The following PI16 variants were observed in gnomAD, a reference collection of about 807,000 sequenced individuals.
PI16 encodes the protein PSP94-binding protein.
PI16 carries 35 observed loss-of-function variants against 38.0 expected under a neutral mutation model. That is an observed-to-expected ratio of 0.92 (90% CI 0.70 to 1.22). PI16 has a LOEUF of 1.22. PI16 is among the 50% of genes most tolerant of loss of function. The pLI, the probability that PI16 is intolerant of heterozygous loss-of-function variation, is 0.00. For missense variants in PI16, 572 were observed against 593.8 expected, an observed-to-expected ratio of 0.96 and a Z score of 0.38; for synonymous variants, 275 against 252.9, an observed-to-expected ratio of 1.09 and a Z score of -0.83.
In PI16 at chr6:36,962,068, G is replaced by T. The variant is rs757075891; in HGVS notation, c.592+94G>T. On this transcript the variant is annotated intron_variant, in intron 4 of 6. Transcript: ENST00000373674. The surrounding 1 kb of genome is among the most constrained non-coding windows in gnomAD (Gnocchi z 4.1). The stretch of plus-strand genomic sequence containing the variant: ...AGAGCCTCCCTGGACTGAGCGGGAC[G>T]TGGGCAGGGAAGGAGCCTGGTGGGA... 2.8e-5 allele frequency: 31 copies of T among 1,121,164 alleles called. No homozygotes were observed. The highest frequency in any genetic ancestry group is 6.1e-5 in the African/African-American group (4 of 65,570). 69.5% of individuals were successfully genotyped at this position (1,121,164 alleles called of 1,614,324 possible).
At position 36,962,854 on chromosome 6, in the gene PI16, C is replaced by A; in HGVS notation, c.593-81C>A. 3 of 1,198,720 alleles carry A rather than the reference C, an allele frequency of 2.5e-6. No homozygotes were observed. The South Asian group carries it at 4.5e-5, about 18-fold the overall frequency. The allele number at this position is 1,198,720 out of a possible 1,614,324, so 74.3% of individuals were successfully genotyped here. ...TGTGTGTCCTGGTAGGACATTTGGT[C>A]GCGTCACTTGGTTTGCAGTGCCATG... On this transcript the variant is annotated intron_variant, in intron 4 of 6. Transcript: ENST00000373674. The surrounding 1 kb of genome is among the most constrained non-coding windows in gnomAD (Gnocchi z 4.1).
upstream of PI16, among the ~76,000 whole-genome samples, chr6:36,951,596 T>C (rs1763100787): frequency 6.6e-6 from 1 of 152,128 alleles, no homozygotes; most frequent in African/African-American, 2.4e-5. Flanking sequence ...GTAGGAGTTT[T>C]AAAAATATAT....
At chr6:36,952,806 A>C (rs1273836506), upstream of PI16, among the ~76,000 whole-genome samples, 2 of 152,180 alleles carry the variant, frequency 1.3e-5, no homozygotes, top group African/African-American at 4.8e-5. Context: ...TATAAATTTT[A>C]GGATGGATTT....
At position 36,959,216 on chromosome 6, in the gene PI16, G is replaced by A. The variant is rs1583233887; in HGVS notation, c.243G>A (p.Glu81=). 2 of 1,610,960 alleles carry A rather than the reference G, an allele frequency of 1.2e-6. No homozygotes were observed. The highest frequency in any genetic ancestry group is 1.7e-6 in the Non-Finnish European group (2 of 1,179,140). The part of the protein sequence containing the change: ...ARQCVWGHNK[E]RGRRGENLFA... ...AGTGCGTGTGGGGCCACAACAAGGA[G>A]CGCGGGCGCCGCGGCGAGAATCTGT... Residue 81 remains glutamate, a synonymous_variant, in exon 2 of 7, where the codon GAG becomes GAA. Transcript: ENST00000373674.
rs1187454446 is a variant in PI16, at chr6:36,962,062, C to G, written c.592+88C>G. The G allele has an allele frequency of 4.2e-6, 5 of 1,179,772 alleles. No homozygotes were observed. The highest frequency in any genetic ancestry group is 1.5e-5 in the African/African-American group (1 of 66,678). 73.1% of individuals were successfully genotyped at this position (1,179,772 alleles called of 1,614,324 possible). A position where few individuals can be genotyped will look rare whatever the true frequency, so the allele number is the denominator to read the frequency against. On this transcript the variant is annotated intron_variant, in intron 4 of 6. Transcript: ENST00000373674. This position sits in a 1 kb window ranked among gnomAD's most constrained non-coding sequence, Gnocchi z 4.1. The stretch of plus-strand genomic sequence containing the variant: ...GGTCTAAGAGCCTCCCTGGACTGAG[C>G]GGGACGTGGGCAGGGAAGGAGCCTG...
At position 36,962,818 on chromosome 6, in the gene PI16, A is replaced by G. The variant is rs1040989579; in HGVS notation, c.593-117A>G. ...AGGGGCATATCAGCTGGAGAAGTGT[A>G]TGTGTGTGTTTGTGTGTCCTGGTAG... On this transcript the variant is annotated intron_variant, in intron 4 of 6. Transcript: ENST00000373674. This position sits in a 1 kb window ranked among gnomAD's most constrained non-coding sequence, Gnocchi z 4.1. 4 of 839,616 alleles carry G rather than the reference A, an allele frequency of 4.8e-6. No homozygotes were observed. The African/African-American group carries it at 6.9e-5, about 14-fold the overall frequency. 52.0% of individuals were successfully genotyped at this position (839,616 alleles called of 1,614,324 possible).
chr6:36,958,997 C>T, intron 1 of PI16, 148 bp from the exon 2 acceptor site: 1 of 694,746 alleles, frequency 1.4e-6, no homozygotes, highest in Non-Finnish European at 2.4e-6. Context: ...GACGCCCACC[C>T]AGAGCAGAGA....
In PI16 at chr6:36,963,583, G is replaced by A. The variant is rs747360669; in HGVS notation, c.1241G>A (p.Arg414His). 2.3e-5 allele frequency: 37 copies of A among 1,614,014 alleles called. No homozygotes were observed. Among genetic ancestry groups the A allele is most frequent in the South Asian group, 1.5e-4 (14 of 91,082 alleles). The part of the protein sequence containing the change: ...TSATANATGG[R>H]ALALQSSLPG... ...GCCACCGCTAATGCCACGGGTGGGC[G>A]TGCCCTGGCTCTGCAGTCGTCCTTG... Residue 414 changes from arginine to histidine, a missense_variant, in exon 5 of 7, where the codon CGT becomes CAT. Transcript: ENST00000373674.
upstream of PI16, chr6:36,954,597 G>T: frequency 8.9e-7 from 1 of 1,127,226 alleles, no homozygotes; most frequent in East Asian, 2.6e-5. Context: ...GATGCTGGTC[G>T]GGACCCAAAG....
chr6:36,960,741 T>G (rs1763341566), intron 2 of PI16, among the ~76,000 whole-genome samples: 1 of 150,908 alleles, frequency 6.6e-6, no homozygotes, highest in Non-Finnish European at 1.5e-5. Context: ...CAGCTTTCTC[T>G]GGGGCTGAGG....
At chr6:36,961,276 C>T (rs1032022381) in intron 2 of PI16, among the ~76,000 whole-genome samples, 175 bp from the exon 3 acceptor site, 1 of 152,180 alleles carries the variant, frequency 6.6e-6, no homozygotes, top group Admixed American at 6.5e-5. Context: ...CAAACTCCCC[C>T]ATCCCTCCCC....
rs1318123267 is a variant in PI16 at position 36,963,354 on chromosome 6, G to A, written c.1012G>A (p.Asp338Asn). 1 of 1,614,166 alleles carries A rather than the reference G, an allele frequency of 6.2e-7. No individual in the cohort carries two copies. Among genetic ancestry groups the A allele is most frequent in the Non-Finnish European group, 8.5e-7 (1 of 1,180,020 alleles). Reference protein sequence around the residue: ...VPSRSPENSLDPKMSLTGARE... With the variant: ...VPSRSPENSLNPKMSLTGARE... ...CTCTAGGAGCCCAGAGAACTCTCTG[G>A]ACCCCAAGATGTCCCTGACAGGGGC... Residue 338 changes from aspartate (D) to asparagine (N), a missense_variant, in exon 5 of 7, where the codon GAC becomes AAC. By Grantham distance (23) the Asp-to-Asn change is conservative. Coordinates refer to ENST00000373674, the MANE Select transcript of PI16 (RefSeq NM_153370.3).
rs1763367637 is a variant in PI16 at position 36,961,579 on chromosome 6, C to T, written c.503+19C>T. ...AGCCTCCGTGAGTGCCGGGGGGAAC[C>T]CTGGAGATGGAGAGGGGGAAGGCAC... On this transcript the variant is annotated intron_variant, in intron 3 of 6. Transcript: ENST00000373674. 2 of 1,608,316 alleles carry T rather than the reference C, an allele frequency of 1.2e-6. No individual in the cohort carries two copies. The highest frequency in any genetic ancestry group is 1.1e-5 in the South Asian group (1 of 90,910).
At chr6:36,948,470 G>A (rs550927726) in intron 1 of PI16, 2 of 152,284 alleles carry the variant, frequency 1.3e-5, no homozygotes, top group South Asian at 4.1e-4. Flanking sequence ...TGTTTTAAAA[G>A]TTTTTAGAAA....
chr6:36,961,414 C>T (rs569501977), intron 2 of PI16, 37 bp from the exon 3 acceptor site: 10 of 1,566,012 alleles, frequency 6.4e-6, no homozygotes, highest in East Asian at 2.2e-5. Context: ...CATGCCACCT[C>T]GCATGGGGCT....
rs1470085474 is a variant in PI16, at chr6:36,949,135, C to T, written c.-82+731C>T. Among the ~76,000 whole-genome samples, 3 of 150,044 alleles carry T rather than the reference C, an allele frequency of 2.0e-5. No homozygotes were observed. In the Admixed American group the frequency reaches 2.0e-4, roughly 10 times the overall value. On this transcript the variant is annotated intron_variant, in intron 1 of 7. Transcript: ENST00000611814. ...CTCTTCTCTCTCTCTCTCTTCCTCTCTTTCTTTCTTCTCACTGGAGTCTTG... is the reference window on the plus strand; with the variant it reads ...CTCTTCTCTCTCTCTCTCTTCCTCTTTTTCTTTCTTCTCACTGGAGTCTTG...
At chr6:36,954,981 AG>A in intron 1 of PI16, 50 bp downstream of exon 1, 1 of 1,580,658 alleles carries the variant, frequency 6.3e-7, no homozygotes, top group South Asian at 1.1e-5. Context: ...GGTGCTGGCC[AG>A]GGTCTGTCAC....
chr6:36,961,982 C>T lies in PI16; in HGVS notation c.592+8C>T. ...GCAAGAACTCCCTCTGTGGTGAGTC[C>T]ACGGGTGGATGGGTAGGGGCAGGGG... On this transcript the variant is annotated splice_region_variant and intron_variant, in intron 4 of 6. Transcript: ENST00000373674. The T allele has an allele frequency of 1.2e-6, 2 of 1,610,672 alleles. No individual in the cohort carries two copies. The highest frequency in any genetic ancestry group is 1.7e-6 in the Non-Finnish European group (2 of 1,176,852).
chr6:36,951,417 T>C (rs1248858018), upstream of PI16, among the ~76,000 whole-genome samples: 1 of 152,054 alleles, frequency 6.6e-6, no homozygotes, highest in Non-Finnish European at 1.5e-5. Flanking sequence ...GCCCAGCTGA[T>C]TTTTGTATTT....
Sources: allele counts gnomAD v4.1 joint callset (sites outside exome capture counted in the v4.1 genomes callset), GRCh38; gene constraint gnomAD v4.1.1; non-coding constraint Gnocchi (gnomAD v3.1); transcripts MANE v1.5; gene names NCBI Gene and HGNC (gene_info 2026-07-23, HGNC 2026-07-21).